The following CDC42EP2 variants were observed in gnomAD, a reference collection of about 807,000 sequenced individuals.
CDC42EP2 encodes CDC42 effector protein (Rho GTPase binding) 2.
CDC42EP2 carries 5 observed loss-of-function variants against 7.3 expected under a neutral mutation model. The ratio of observed to expected loss-of-function variants is 0.68; its 90% CI spans 0.36 to 1.44. The LOEUF is 1.44. Among genes scored for constraint, CDC42EP2 ranks in the 40% most tolerant of loss-of-function variants. The probability of loss-of-function intolerance (pLI) is 0.04; values close to 1 mark genes in which losing one functional copy is unlikely to be tolerated. For missense variants in CDC42EP2, 251 were observed against 282.6 expected (o/e 0.89, Z 0.80); for synonymous variants, 113 against 123.6 (o/e 0.91, Z 0.57).
At chr11:65,319,017 CTA>C (rs1232917719) in intron 1 of CDC42EP2, among the ~76,000 whole-genome samples, 1 of 150,492 alleles carries the variant, frequency 6.6e-6, no homozygotes, top group African/African-American at 2.4e-5. Context: ...AATGGATGAT[CTA>C]TATTATGTTT....
rs1329252162 is a variant in CDC42EP2 at position 65,320,546 on chromosome 11, C to T, written c.-353C>T. On this transcript the variant is annotated splice_region_variant and 5_prime_UTR_variant, in exon 2 of 2. Transcript: ENST00000279249. ...GGTGTGCACCCTTTGTGTTTCAGCT[C>T]CTCAGCCCTGGACCGGGGACAAGTA... 8.0e-6 allele frequency: 2 copies of T among 250,574 alleles called. No individual in the cohort carries two copies. The highest frequency in any genetic ancestry group is 1.6e-5 in the Non-Finnish European group (2 of 128,058). The allele number at this position is 250,574 out of a possible 1,614,324, so 15.5% of individuals were successfully genotyped here.
intron 1 of CDC42EP2, among the ~76,000 whole-genome samples, chr11:65,317,668 A>G (rs1021150826): frequency 6.6e-6 from 1 of 152,144 alleles, no homozygotes. Flanking sequence ...AAGCAGAGGG[A>G]GTGCTTGCTT....
rs1362778790 is a variant in CDC42EP2 at position 65,319,659 on chromosome 11, A to G, written c.-355-885A>G. Among the ~76,000 whole-genome samples the G allele has an allele frequency of 3.3e-5, 5 of 152,186 alleles. No homozygotes were observed. In the East Asian group the frequency reaches 9.6e-4, roughly 29 times the overall value. On this transcript the variant is annotated intron_variant, in intron 1 of 1. Coordinates refer to ENST00000279249, the MANE Select transcript of CDC42EP2 (RefSeq NM_006779.4). ...ATAAGGAACTCTTAATAGGCAGAGG[A>G]GAAAACACGACCCCACCTCCAGGTG...
Position 65,321,237 on chromosome 11 carries a change from C to G in CDC42EP2, c.339C>G (p.Ile113Met), listed in dbSNP as rs147893459. Residue 113 changes from isoleucine to methionine, a missense_variant, in exon 2 of 2, where the codon ATC (isoleucine) becomes ATG (methionine). By Grantham distance (10) the Ile-to-Met change is conservative (BLOSUM62 1). Transcript: ENST00000279249. This position sits in a 1 kb window ranked among gnomAD's most constrained non-coding sequence, Gnocchi z 4.4. ...LLKNAISLPVIGGPQALTLPT... is the reference protein window; with the variant it reads ...LLKNAISLPVMGGPQALTLPT... ...AGAACGCCATCTCCCTCCCGGTTAT[C>G]GGTGGACCCCAGGCTCTCACCCTGC... 5 of 1,613,934 alleles carry G rather than the reference C, an allele frequency of 3.1e-6. No individual in the cohort carries two copies. Among genetic ancestry groups the G allele is most frequent in the Non-Finnish European group, 4.2e-6 (5 of 1,179,982 alleles).
chr11:65,320,784 G>T lies in CDC42EP2; in HGVS notation c.-115G>T, dbSNP rs1949969817. 2 of 1,134,222 alleles carry T rather than the reference G, an allele frequency of 1.8e-6. No homozygotes were observed. Among genetic ancestry groups the T allele is most frequent in the South Asian group, 1.6e-5 (1 of 63,594 alleles). 70.3% of individuals were successfully genotyped at this position (1,134,222 alleles called of 1,614,324 possible). A position where few individuals can be genotyped will look rare whatever the true frequency, so the allele number is the denominator to read the frequency against. ...GCCAGAAGCCCGTTGGCGAGCTCTG[G>T]CACCTGCAAACCACCCCGTGGAACG... On this transcript the variant is annotated 5_prime_UTR_variant, in exon 2 of 2. Transcript: ENST00000279249.
Position 65,321,594 on chromosome 11 carries a change from C to A in CDC42EP2, c.*63C>A. 6.8e-7 allele frequency: 1 copy of A among 1,464,666 alleles called. No homozygotes were observed. The highest frequency in any genetic ancestry group is 9.2e-7 in the Non-Finnish European group (1 of 1,083,246). The allele number at this position is 1,464,666 out of a possible 1,614,324, so 90.7% of individuals were successfully genotyped here. The stretch of plus-strand genomic sequence containing the variant: ...CCAGCCAGGAGGTGGGGTGTGGACC[C>A]GGCCCTGGCGGCGGAGTCAGGGTCC... On this transcript the variant is annotated 3_prime_UTR_variant, in exon 2 of 2. Transcript: ENST00000279249. This position sits in a 1 kb window ranked among gnomAD's most constrained non-coding sequence, Gnocchi z 4.4.
rs190366775 is a variant in CDC42EP2, at chr11:65,317,131, G to C, written c.-356+2177G>C. ...TGCGTGACGGGATTCCAAGACCTCA[G>C]GGTGCCCATGCGTCCCCACCCTTCC... On this transcript the variant is annotated intron_variant, in intron 1 of 1. Coordinates refer to ENST00000279249, the MANE Select transcript of CDC42EP2 (RefSeq NM_006779.4). 9 of 152,386 alleles carry C rather than the reference G, an allele frequency of 5.9e-5. 1 individual carries two copies. The highest frequency in any genetic ancestry group is 5.9e-4 in the Admixed American group (9 of 15,300). 9.4% of individuals were successfully genotyped at this position (152,386 alleles called of 1,614,324 possible).
chr11:65,319,943 C>T (rs959976534), intron 1 of CDC42EP2, among the ~76,000 whole-genome samples: 6 of 152,164 alleles, frequency 3.9e-5, no homozygotes, highest in Admixed American at 2.0e-4. Flanking sequence ...CCTACTTTGC[C>T]GGGGACCCAG....
At chr11:65,320,035 G>A (rs1949966375) in intron 1 of CDC42EP2, among the ~76,000 whole-genome samples, 1 of 152,206 alleles carries the variant, frequency 6.6e-6, no homozygotes, top group African/African-American at 2.4e-5. Flanking sequence ...CCTGTAAGGG[G>A]AGGAGCTTGG....
chr11:65,320,573 C>A lies in CDC42EP2; in HGVS notation c.-326C>A. 1 of 301,822 alleles carries A rather than the reference C, an allele frequency of 3.3e-6. No homozygotes were observed. The highest frequency in any genetic ancestry group is 6.3e-6 in the Non-Finnish European group (1 of 159,254). The allele number at this position is 301,822 out of a possible 1,614,324, so 18.7% of individuals were successfully genotyped here. A position where few individuals can be genotyped will look rare whatever the true frequency, so the allele number is the denominator to read the frequency against. On this transcript the variant is annotated 5_prime_UTR_variant, in exon 2 of 2. Coordinates refer to ENST00000279249, the MANE Select transcript of CDC42EP2 (RefSeq NM_006779.4). ...TCAGCCCTGGACCGGGGACAAGTAA[C>A]CCTCGGTGACAAGACCAAAGTGCAC...
In CDC42EP2 at chr11:65,321,192, C is replaced by T. The variant is rs149131506; in HGVS notation, c.294C>T (p.Asp98=). 9.3e-4 allele frequency: 1,495 copies of T among 1,614,040 alleles called. 4 individuals carry two copies. The highest frequency in any genetic ancestry group is 1.1e-3 in the Non-Finnish European group (1,351 of 1,179,978). Residue 98 remains aspartate (D), a synonymous_variant, in exon 2 of 2, where the codon GAC becomes GAT. Transcript: ENST00000279249. The surrounding 1 kb of genome is among the most constrained non-coding windows in gnomAD (Gnocchi z 4.4). The stretch of plus-strand genomic sequence containing the variant: ...CCGTGTGTGGGCGGGAGCTCCCGGA[C>T]GGCCCATCCCCTCTGCTCAAGAACG... ...TATVCGRELP[D]GPSPLLKNAI...
At chr11:65,319,645 T>C (rs1047465988) in intron 1 of CDC42EP2, among the ~76,000 whole-genome samples, 5 of 152,118 alleles carry the variant, frequency 3.3e-5, no homozygotes, top group African/African-American at 9.7e-5. Flanking sequence ...TAAGGAACTC[T>C]TAATAGGCAG....
At chr11:65,317,223 C>T (rs1949951941) in intron 1 of CDC42EP2, 1 of 152,236 alleles carries the variant, frequency 6.6e-6, no homozygotes, top group African/African-American at 2.4e-5. Flanking sequence ...TCCTGTTAAG[C>T]TCCAGGTGCT....
rs141215100 is a variant in CDC42EP2 at position 65,320,979 on chromosome 11, G to A, written c.81G>A (p.Ser27=). The A allele has an allele frequency of 3.1e-5, 50 of 1,613,984 alleles. No homozygotes were observed. The highest frequency in any genetic ancestry group is 2.8e-4 in the African/African-American group (21 of 75,056). ...KKEKLRDLLS[S]DMISPPLGDF... ...AGAAGCTTCGGGACCTGCTGTCCTCGGACATGATCAGCCCACCGCTGGGGG... is the reference window on the plus strand; with the variant it reads ...AGAAGCTTCGGGACCTGCTGTCCTCAGACATGATCAGCCCACCGCTGGGGG... Residue 27 remains serine, a synonymous_variant, in exon 2 of 2, where the codon TCG becomes TCA. Transcript: ENST00000279249.
Position 65,321,751 on chromosome 11 carries a change from G to A in CDC42EP2, c.*220G>A, listed in dbSNP as rs878975012. 9 of 521,558 alleles carry A rather than the reference G, an allele frequency of 1.7e-5. No homozygotes were observed. The South Asian group carries it at 2.6e-4, about 15-fold the overall frequency. 32.3% of individuals were successfully genotyped at this position (521,558 alleles called of 1,614,324 possible). A position where few individuals can be genotyped will look rare whatever the true frequency, so the allele number is the denominator to read the frequency against. ...GATAACCACATGGACACATCCTGAA[G>A]TCAGCCCAGGCGCCCTGAGCATCTT... On this transcript the variant is annotated 3_prime_UTR_variant, in exon 2 of 2. Coordinates refer to ENST00000279249, the MANE Select transcript of CDC42EP2 (RefSeq NM_006779.4). This position sits in a 1 kb window ranked among gnomAD's most constrained non-coding sequence, Gnocchi z 4.4.
chr11:65,314,907 G>C lies in CDC42EP2; in HGVS notation c.-403G>C, dbSNP rs899900251. On this transcript the variant is annotated 5_prime_UTR_variant, in exon 1 of 2. Transcript: ENST00000279249. ...TCGGGTCCGGCCGCCGCGCTGTCCA[G>C]CTCCTGAGACCTTGCTGTCCGCCGG... 56 of 152,386 alleles carry C rather than the reference G, an allele frequency of 3.7e-4. No homozygotes were observed. The highest frequency in any genetic ancestry group is 1.2e-3 in the African/African-American group (51 of 41,584). 9.4% of individuals were successfully genotyped at this position (152,386 alleles called of 1,614,324 possible).
At chr11:65,317,710 C>T (rs1437749221) in intron 1 of CDC42EP2, among the ~76,000 whole-genome samples, 1 of 152,128 alleles carries the variant, frequency 6.6e-6, no homozygotes. Context: ...CAGTATGACA[C>T]CCCTTCATAG....
chr11:65,321,816 A>G lies in CDC42EP2; in HGVS notation c.*285A>G, dbSNP rs1590922209. ...CCATCACAATACTCCTTCTTCCTTC[A>G]GGTCCCTGGGTGAAGGCTTTGCTGA... On this transcript the variant is annotated 3_prime_UTR_variant, in exon 2 of 2. Coordinates refer to ENST00000279249, the MANE Select transcript of CDC42EP2 (RefSeq NM_006779.4). This position sits in a 1 kb window ranked among gnomAD's most constrained non-coding sequence, Gnocchi z 4.4. The G allele has an allele frequency of 5.6e-6, 2 of 358,968 alleles. No homozygotes were observed. Among genetic ancestry groups the G allele is most frequent in the East Asian group, 9.3e-5 (2 of 21,548 alleles). 22.2% of individuals were successfully genotyped at this position (358,968 alleles called of 1,614,324 possible).
rs572350559 is a variant in CDC42EP2, at chr11:65,321,230, C to T, written c.332C>T (p.Pro111Leu). 2.2e-5 allele frequency: 36 copies of T among 1,613,988 alleles called. No individual in the cohort carries two copies. The highest frequency in any genetic ancestry group is 2.8e-5 in the Non-Finnish European group (33 of 1,179,994). ...CTGCTCAAGAACGCCATCTCCCTCC[C>T]GGTTATCGGTGGACCCCAGGCTCTC... ...SPLLKNAISLPVIGGPQALTL... is the reference protein window; with the variant it reads ...SPLLKNAISLLVIGGPQALTL... Residue 111 changes from proline to leucine, a missense_variant, in exon 2 of 2, where the codon CCG (proline) becomes CTG (leucine). By Grantham distance (98) the Pro-to-Leu change is moderately conservative (BLOSUM62 -3). Coordinates refer to ENST00000279249, the MANE Select transcript of CDC42EP2 (RefSeq NM_006779.4). This position sits in a 1 kb window ranked among gnomAD's most constrained non-coding sequence, Gnocchi z 4.4.
Sources: gnomAD v4.1 joint callset for allele counts (sites outside exome capture counted in the v4.1 genomes callset) on GRCh38, gnomAD v4.1.1 for gene constraint, Gnocchi (gnomAD v3.1) non-coding constraint, MANE v1.5 for transcripts, NCBI Gene and HGNC (gene_info 2026-07-23, HGNC 2026-07-21) for gene names.